The following NT5C2 variants were observed in gnomAD, a reference collection of about 807,000 sequenced individuals.
NT5C2 encodes the protein 5'-nucleotidase, cytosolic II.
Under a neutral mutation model 76.1 loss-of-function variants are expected in NT5C2, and 58 were observed. The observed-to-expected ratio is 0.76, with a 90% confidence interval of 0.62 to 0.95. The LOEUF (loss-of-function observed/expected upper bound fraction) is 0.95. Among genes scored for constraint, NT5C2 ranks in the 40% least tolerant of loss-of-function variants. NT5C2 has a pLI of 0.00. For synonymous variants in NT5C2, 229 were observed against 237.4 expected (o/e 0.96, Z 0.32); for missense variants, 478 against 690.3 (o/e 0.69, Z 3.45).
intron 4 of NT5C2, among the ~76,000 whole-genome samples, chr10:103,120,035 G>A (rs796133153): frequency 5.3e-5 from 8 of 152,022 alleles, no homozygotes; most frequent in African/African-American, 1.7e-4. Flanking sequence ...GGAGGCAGAG[G>A]TTGCAGTGAG....
At position 103,149,697 on chromosome 10, in the gene NT5C2, T is replaced by C. The variant is rs546510930; in HGVS notation, c.102-10218A>G. On this transcript the variant is annotated intron_variant, in intron 3 of 18. Coordinates refer to ENST00000404739, the MANE Select transcript of NT5C2 (RefSeq NM_001351169.2). ...AATTTCAGGGTTAAACTCTGTGAGA[T>C]AGAAATTAGAGAAGAAAATATGGTT... 2.5e-3 allele frequency among the ~76,000 whole-genome samples: 380 copies of C among 152,228 alleles called. 2 individuals are homozygous for C. Among genetic ancestry groups the C allele is most frequent in the African/African-American group, 8.5e-3 (351 of 41,536 alleles).
intron 3 of NT5C2, among the ~76,000 whole-genome samples, chr10:103,160,791 G>C (rs2084661667): frequency 6.6e-6 from 1 of 152,202 alleles, no homozygotes; most frequent in Non-Finnish European, 1.5e-5. Context: ...GAGGCAGGCA[G>C]ATCACGAGGT....
Position 103,106,623 on chromosome 10 carries a change from G to C in NT5C2, c.259C>G (p.Leu87Val). The C allele has an allele frequency of 6.2e-7, 1 of 1,613,374 alleles. No individual in the cohort carries two copies. The highest frequency in any genetic ancestry group is 8.5e-7 in the Non-Finnish European group (1 of 1,179,390). Residue 87 changes from leucine to valine, a missense_variant, in exon 5 of 19, where the codon CTC becomes GTC. Coordinates refer to ENST00000404739, the MANE Select transcript of NT5C2 (RefSeq NM_001351169.2). The stretch of plus-strand genomic sequence containing the variant: ...AATGTAGAATCATAAGCAAAGCTGA[G>C]CAACTCCTGGGGATAGCCAATAGAA... The part of the protein sequence containing the change: ...LVSIGYPQEL[L>V]SFAYDSTFPT...
At chr10:103,169,776 A>G (rs2087392413) in intron 3 of NT5C2, among the ~76,000 whole-genome samples, 1 of 152,088 alleles carries the variant, frequency 6.6e-6, no homozygotes, top group Admixed American at 6.6e-5. Context: ...CAGCCAGAAG[A>G]TCAAAACCAG....
intron 14 of NT5C2, chr10:103,093,622 C>G (rs1402273639): frequency 2.8e-6 from 1 of 356,604 alleles, no homozygotes; most frequent in Non-Finnish European, 5.0e-6. Flanking sequence ...CTTTACTCAA[C>G]TGTTTATAAC....
At chr10:103,137,548 CTG>C (rs1422942576) in intron 4 of NT5C2, among the ~76,000 whole-genome samples, 1 of 152,180 alleles carries the variant, frequency 6.6e-6, no homozygotes, top group Non-Finnish European at 1.5e-5. Context: ...GAACATCAAA[CTG>C]TGATTTGTCT....
At position 103,095,751 on chromosome 10, in the gene NT5C2, T is replaced by C. The variant is rs571393525; in HGVS notation, c.813+188A>G. 2.6e-5 allele frequency among the ~76,000 whole-genome samples: 4 copies of C among 152,302 alleles called. No homozygotes were observed. The East Asian group carries it at 7.7e-4, about 29-fold the overall frequency. The stretch of plus-strand genomic sequence containing the variant: ...AGTATTCAAGTTGCGGACTCTAAAT[T>C]AGCAATTTGATTTTAAATTCTACTA... On this transcript the variant is annotated intron_variant, in intron 12 of 18. Coordinates refer to ENST00000404739, the MANE Select transcript of NT5C2 (RefSeq NM_001351169.2).
intron 4 of NT5C2, among the ~76,000 whole-genome samples, chr10:103,129,283 C>T (rs1290033712): frequency 2.6e-5 from 3 of 115,966 alleles, no homozygotes; most frequent in Non-Finnish European, 5.7e-5. Flanking sequence ...CCAGCCGCCC[C>T]GTCCGGGAGG....
intron 4 of NT5C2, among the ~76,000 whole-genome samples, chr10:103,119,439 C>A (rs2075185235): frequency 6.6e-6 from 1 of 152,156 alleles, no homozygotes; most frequent in Non-Finnish European, 1.5e-5. Flanking sequence ...TTCCCTCACA[C>A]AAATATCTCT....
chr10:103,172,061 T>C (rs11191590), intron 3 of NT5C2, among the ~76,000 whole-genome samples: 2,165 of 151,714 alleles, frequency 0.014, 18 homozygotes, highest in Non-Finnish European at 0.022. Context: ...AATTAAAAAA[T>C]TAGCCAGGTG....
At chr10:103,170,523 A>G (rs1014047719) in intron 3 of NT5C2, among the ~76,000 whole-genome samples, 2 of 139,176 alleles carry the variant, frequency 1.4e-5, no homozygotes, top group African/African-American at 5.2e-5. Flanking sequence ...ACACACATGC[A>G]CACTTTTTTT....
At chr10:103,113,817 T>C (rs2073657714) in intron 4 of NT5C2, among the ~76,000 whole-genome samples, 1 of 152,244 alleles carries the variant, frequency 6.6e-6, no homozygotes, top group Non-Finnish European at 1.5e-5. Flanking sequence ...GCATGATTTA[T>C]GTCTGACTTA....
intron 3 of NT5C2, among the ~76,000 whole-genome samples, chr10:103,141,053 C>T (rs1336317319): frequency 6.6e-6 from 1 of 152,204 alleles, no homozygotes; most frequent in Non-Finnish European, 1.5e-5. Flanking sequence ...GCTGCCTGTG[C>T]TTTTGGTGTC....
intron 4 of NT5C2, chr10:103,111,929 C>G (rs2073142930): frequency 2.0e-6 from 1 of 512,738 alleles, no homozygotes; most frequent in Non-Finnish European, 3.0e-6. Flanking sequence ...GGAGTTACTA[C>G]TGCCCTCCAA....
At chr10:103,159,646 C>T (rs768941536) in intron 3 of NT5C2, among the ~76,000 whole-genome samples, 5 of 146,876 alleles carry the variant, frequency 3.4e-5, no homozygotes, top group Non-Finnish European at 6.0e-5. Context: ...AAGACCCTGT[C>T]TCTTTAAAAA....
intron 4 of NT5C2, among the ~76,000 whole-genome samples, chr10:103,135,047 C>T (rs994095173): frequency 6.6e-6 from 1 of 152,210 alleles, no homozygotes; most frequent in African/African-American, 2.4e-5. Context: ...TTTGATTTTA[C>T]AGGTTCATAG....
At chr10:103,183,508 C>CTT (rs541606520) in intron 1 of NT5C2, among the ~76,000 whole-genome samples, 31 of 118,086 alleles carry the variant, frequency 2.6e-4, no homozygotes, top group African/African-American at 7.3e-4. Flanking sequence ...TAAACAAATG[C>CTT]TTTTTTTTTT....
chr10:103,152,653 T>TTC (rs2082606058), intron 3 of NT5C2, among the ~76,000 whole-genome samples: 2 of 152,204 alleles, frequency 1.3e-5, no homozygotes, highest in African/African-American at 4.8e-5. Context: ...CCAGGTCTAG[T>TTC]TATGCCTGAA....
At chr10:103,109,821 A>G (rs1554953095) in intron 4 of NT5C2, among the ~76,000 whole-genome samples, 1 of 152,226 alleles carries the variant, frequency 6.6e-6, no homozygotes, top group Non-Finnish European at 1.5e-5. Flanking sequence ...TAATGTACTC[A>G]TAATTTTCAG....
Sources: gnomAD v4.1 joint callset for allele counts (sites outside exome capture counted in the v4.1 genomes callset) on GRCh38, gnomAD v4.1.1 for gene constraint, MANE v1.5 for transcripts, NCBI Gene and HGNC (gene_info 2026-07-23, HGNC 2026-07-21) for gene names.